Variants in CTNNA3 observed in about 807,000 individuals in gnomAD.
CTNNA3 encodes catenin alpha 3, also known as catenin alpha-3.
A neutral mutation model predicts 95.7 loss-of-function variants in CTNNA3; 76 were observed. That is an observed-to-expected ratio of 0.79 (90% confidence interval 0.66 to 0.96). The LOEUF (loss-of-function observed/expected upper bound fraction) is 0.96, where lower values mean the gene tolerates loss of function less well. Among genes scored for constraint, CTNNA3 ranks in the 40% least tolerant of loss-of-function variants. CTNNA3 has a pLI of 0.00. For missense variants in CTNNA3, 1,191 were observed against 1,089.8 expected, an observed-to-expected ratio of 1.09 and a Z score of -1.31; for synonymous variants, 431 against 374.4, an observed-to-expected ratio of 1.15 and a Z score of -1.74.
intron 7 of CTNNA3, among the ~76,000 whole-genome samples, chr10:67,172,535 A>AATAC (rs1862063659): frequency 6.6e-6 from 1 of 152,164 alleles, no homozygotes; most frequent in African/African-American, 2.4e-5. Flanking sequence ...ACATATGTAT[A>AATAC]ATACATACAT....
At chr10:65,970,950 A>C (rs1002760710) in intron 16 of CTNNA3, among the ~76,000 whole-genome samples, 10 of 151,428 alleles carry the variant, frequency 6.6e-5, no homozygotes, top group African/African-American at 2.4e-4. Flanking sequence ...ACTCACTAAA[A>C]GTGTTAGACA....
At chr10:66,885,494 T>G (rs537931130) in intron 7 of CTNNA3, among the ~76,000 whole-genome samples, 1 of 152,272 alleles carries the variant, frequency 6.6e-6, no homozygotes, top group African/African-American at 2.4e-5. Flanking sequence ...AGTTAGGGAA[T>G]GTCCAGATTC....
chr10:67,609,543 T>C (rs1412150534), intron 2 of CTNNA3, among the ~76,000 whole-genome samples: 8 of 152,178 alleles, frequency 5.3e-5, no homozygotes, highest in Admixed American at 3.3e-4. Flanking sequence ...CAATAGATCC[T>C]CTGTTTCATT....
chr10:67,076,931 G>A (rs1298437398), intron 7 of CTNNA3, among the ~76,000 whole-genome samples: 1 of 152,172 alleles, frequency 6.6e-6, no homozygotes, highest in Non-Finnish European at 1.5e-5. Context: ...ATTGGACTAT[G>A]TCAAAATCTC....
At chr10:67,466,073 G>A (rs1847580400) in intron 5 of CTNNA3, among the ~76,000 whole-genome samples, 1 of 151,950 alleles carries the variant, frequency 6.6e-6, no homozygotes, top group Non-Finnish European at 1.5e-5. Flanking sequence ...AACTTATTTT[G>A]GAGTTAATTG....
chr10:66,632,486 C>T lies in CTNNA3; in HGVS notation c.1282-10702G>A, dbSNP rs570963737. Reference sequence around the variant, plus strand: ...AGGAGAATCGCTTGAACCTGGGAGGCAGAGGTTGAAGTGAGCCGAGATCAC... The same window carrying T: ...AGGAGAATCGCTTGAACCTGGGAGGTAGAGGTTGAAGTGAGCCGAGATCAC... On this transcript the variant is annotated intron_variant, in intron 9 of 17. Transcript: ENST00000433211. Among the ~76,000 whole-genome samples the T allele has an allele frequency of 7.9e-5, 11 of 138,932 alleles. No homozygotes were observed. The East Asian group carries it at 2.1e-3, about 27-fold the overall frequency. 91.1% of individuals were successfully genotyped at this position (138,932 alleles called of 152,430 possible).
chr10:67,097,797 C>T (rs201650754), intron 7 of CTNNA3: 2 of 1,611,868 alleles, frequency 1.2e-6, no homozygotes, highest in Non-Finnish European at 8.5e-7. Flanking sequence ...GCTAGCTTAA[C>T]TGAGATCATT....
intron 10 of CTNNA3, among the ~76,000 whole-genome samples, chr10:66,608,615 T>C (rs1844216086): frequency 6.6e-6 from 1 of 150,508 alleles, no homozygotes; most frequent in Non-Finnish European, 1.5e-5. Context: ...TAGAATAGAG[T>C]ATCCAGAAAT....
At chr10:66,127,197 A>G (rs1421977138) in intron 13 of CTNNA3, among the ~76,000 whole-genome samples, 2 of 147,084 alleles carry the variant, frequency 1.4e-5, no homozygotes, top group African/African-American at 2.5e-5. Flanking sequence ...GCGTGAACCC[A>G]GGAGGCGGAG....
chr10:65,985,679 G>A (rs2133316296), intron 16 of CTNNA3, among the ~76,000 whole-genome samples: 1 of 151,412 alleles, frequency 6.6e-6, no homozygotes, highest in Admixed American at 6.6e-5. Flanking sequence ...GCAAAAATAA[G>A]GAAACAATTG....
chr10:67,427,004 C>T (rs889484628), intron 5 of CTNNA3, among the ~76,000 whole-genome samples: 1 of 151,930 alleles, frequency 6.6e-6, no homozygotes, highest in Admixed American at 6.6e-5. Flanking sequence ...GTTTTCATTT[C>T]TTATTATTTA....
chr10:67,178,201 G>A (rs758609173), intron 7 of CTNNA3, among the ~76,000 whole-genome samples: 8 of 152,094 alleles, frequency 5.3e-5, no homozygotes, highest in Admixed American at 3.9e-4. Flanking sequence ...GGGTGGGTCA[G>A]GGTCATTTGG....
At chr10:67,477,634 G>T (rs1054059780) in intron 5 of CTNNA3, among the ~76,000 whole-genome samples, 2 of 152,114 alleles carry the variant, frequency 1.3e-5, no homozygotes, top group African/African-American at 4.8e-5. Flanking sequence ...TAAGAAGCGG[G>T]GAAAGGGAAA....
chr10:65,963,467 C>T (rs527420570), intron 17 of CTNNA3, among the ~76,000 whole-genome samples: 4 of 152,180 alleles, frequency 2.6e-5, no homozygotes, highest in South Asian at 2.1e-4. Flanking sequence ...AACAGGTTTG[C>T]GCCACTTATG....
intron 13 of CTNNA3, among the ~76,000 whole-genome samples, chr10:66,115,170 G>A (rs1264995231): frequency 6.6e-6 from 1 of 152,154 alleles, no homozygotes; most frequent in Non-Finnish European, 1.5e-5. Context: ...TTGTCACCTT[G>A]CAATAGGTCT....
rs149676517 is a variant in CTNNA3 at position 67,478,631 on chromosome 10, G to A, written c.579+43211C>T. Reference sequence around the variant, plus strand: ...AGCCTAACAAGAGATCCTTAAGGGAGTCTTAAACATGGAAATGAAAGAACA... The same window carrying A: ...AGCCTAACAAGAGATCCTTAAGGGAATCTTAAACATGGAAATGAAAGAACA... On this transcript the variant is annotated intron_variant, in intron 5 of 17. Transcript: ENST00000433211. 3.7e-3 allele frequency among the ~76,000 whole-genome samples: 558 copies of A among 152,184 alleles called. 8 individuals carry two copies. The highest frequency in any genetic ancestry group is 0.013 in the African/African-American group (531 of 41,520).
At chr10:67,703,337 G>A (rs1447468127) in intron 1 of CTNNA3, among the ~76,000 whole-genome samples, 6 of 152,036 alleles carry the variant, frequency 3.9e-5, no homozygotes, top group Admixed American at 6.5e-5. Flanking sequence ...GAGAATTTTA[G>A]ACCAATATCC....
At chr10:67,568,198 A>T (rs1841871379) in intron 3 of CTNNA3, among the ~76,000 whole-genome samples, 1 of 148,614 alleles carries the variant, frequency 6.7e-6, no homozygotes, top group South Asian at 2.1e-4. Flanking sequence ...ATAGTTCTTC[A>T]TCTCAATGTT....
chr10:66,016,788 A>G lies in CTNNA3; in HGVS notation c.2160-27991T>C, dbSNP rs566825164. 2.6e-5 allele frequency among the ~76,000 whole-genome samples: 4 copies of G among 152,300 alleles called. No homozygotes were observed. In the East Asian group the frequency reaches 7.7e-4, roughly 29 times the overall value. The stretch of plus-strand genomic sequence containing the variant: ...AAAATATTAAGTTTTAAGGTAAAAT[A>G]TGACAGTATTATTTTCATAAGATAT... On this transcript the variant is annotated intron_variant, in intron 15 of 17. Transcript: ENST00000433211.
Sources: allele counts gnomAD v4.1 joint callset (sites outside exome capture counted in the v4.1 genomes callset), GRCh38; gene constraint gnomAD v4.1.1; transcripts MANE v1.5; gene names NCBI Gene and HGNC (gene_info 2026-07-23, HGNC 2026-07-21).